Variants in KIAA0825 observed in about 807,000 individuals in gnomAD.
The protein encoded by KIAA0825 is KIAA0825.
KIAA0825 carries 119 observed loss-of-function variants against 147.6 expected under a neutral mutation model. The ratio of observed to expected loss-of-function variants is 0.81; its 90% CI spans 0.69 to 0.94. The LOEUF is 0.94. Among genes scored for constraint, KIAA0825 ranks in the 40% least tolerant of loss-of-function variants. KIAA0825 has a pLI of 0.00. For synonymous variants in KIAA0825, 470 were observed against 518.1 expected (o/e 0.91, Z 1.26); for missense variants, 1,381 against 1,472.7 (o/e 0.94, Z 1.02).
chr5:94,514,839 A>T (rs1218812120), intron 5 of KIAA0825, among the ~76,000 whole-genome samples: 1 of 152,068 alleles, frequency 6.6e-6, no homozygotes, highest in Non-Finnish European at 1.5e-5. Context: ...TGATCTTTTC[A>T]TTCCTTGAGG....
chr5:94,164,132 G>A (rs1212253326), intron 20 of KIAA0825, among the ~76,000 whole-genome samples: 1 of 152,022 alleles, frequency 6.6e-6, no homozygotes, highest in African/African-American at 2.4e-5. Context: ...AAAACATTGA[G>A]CTAATCTAGA....
intron 20 of KIAA0825, among the ~76,000 whole-genome samples, chr5:94,168,807 CA>C (rs1422923751): frequency 6.6e-6 from 1 of 152,046 alleles, no homozygotes; most frequent in Admixed American, 6.5e-5. Flanking sequence ...TTTAATGAAT[CA>C]AAAGAAAAGG....
chr5:94,262,289 G>T (rs1479717999), intron 20 of KIAA0825, among the ~76,000 whole-genome samples: 1 of 151,894 alleles, frequency 6.6e-6, no homozygotes, highest in African/African-American at 2.4e-5. Flanking sequence ...TGAAAATGTG[G>T]GGAAAAGAAG....
chr5:94,420,254 G>C (rs1207634481), intron 14 of KIAA0825, among the ~76,000 whole-genome samples: 1 of 152,114 alleles, frequency 6.6e-6, no homozygotes, highest in African/African-American at 2.4e-5. Context: ...GCACATGCCA[G>C]GGTGGATATG....
chr5:94,564,958 TTTTC>T (rs1308449879), intron 2 of KIAA0825, among the ~76,000 whole-genome samples: 1 of 148,214 alleles, frequency 6.7e-6, no homozygotes, highest in African/African-American at 2.5e-5. Context: ...TTTTCTTTTC[TTTTC>T]TTTTCTTTTT....
chr5:94,388,573 T>C (rs773480741), intron 18 of KIAA0825, among the ~76,000 whole-genome samples: 2 of 152,244 alleles, frequency 1.3e-5, no homozygotes, highest in Non-Finnish European at 2.9e-5. Flanking sequence ...AAAAAAGCTT[T>C]GTTTTGGCTA....
At chr5:94,616,531 C>T (rs1468758533) in intron 1 of KIAA0825, among the ~76,000 whole-genome samples, 2 of 150,808 alleles carry the variant, frequency 1.3e-5, no homozygotes, top group Non-Finnish European at 3.0e-5. Flanking sequence ...TTTCTCCCTA[C>T]ACACACACAC....
intron 20 of KIAA0825, among the ~76,000 whole-genome samples, chr5:94,160,548 T>C (rs1767464121): frequency 6.7e-6 from 1 of 148,568 alleles, no homozygotes; most frequent in African/African-American, 2.4e-5. Context: ...TACATATATG[T>C]ATGTTAAGTA....
At chr5:94,602,985 C>T (rs549072516) in intron 1 of KIAA0825, among the ~76,000 whole-genome samples, 2 of 151,990 alleles carry the variant, frequency 1.3e-5, no homozygotes, top group Non-Finnish European at 2.9e-5. Context: ...CCTGCCATTG[C>T]GTCAGGCTAA....
At chr5:94,311,653 GTATAA>G (rs1779192383) in intron 20 of KIAA0825, among the ~76,000 whole-genome samples, 1 of 151,452 alleles carries the variant, frequency 6.6e-6, no homozygotes, top group Non-Finnish European at 1.5e-5. Flanking sequence ...TTGCCACATT[GTATAA>G]TATAATTTCT....
chr5:94,249,799 G>GTT (rs3080905), intron 20 of KIAA0825, among the ~76,000 whole-genome samples: 17,059 of 132,486 alleles, frequency 0.13, 1,195 homozygotes, highest in East Asian at 0.23. Flanking sequence ...TGCTCTGCTG[G>GTT]TTTTTTTTTT....
chr5:94,497,385 A>G (rs1478694288), intron 5 of KIAA0825, among the ~76,000 whole-genome samples: 1 of 152,226 alleles, frequency 6.6e-6, no homozygotes, highest in Non-Finnish European at 1.5e-5. Flanking sequence ...ATCAATGTTA[A>G]TGACAGAAAA....
rs1372289982 is a variant in KIAA0825, at chr5:94,439,970, A to G, written c.2497+12T>C. The G allele has an allele frequency of 1.9e-6, 3 of 1,549,972 alleles. No homozygotes were observed. The highest frequency in any genetic ancestry group is 1.4e-5 in the African/African-American group (1 of 73,044). On this transcript the variant is annotated intron_variant, in intron 14 of 20. Transcript: ENST00000682413. ...GTTTTTCGAGGACATTCTTATAACTACACATACTCACTTGAGCTCTTCAGC... is the reference window on the plus strand; with the variant it reads ...GTTTTTCGAGGACATTCTTATAACTGCACATACTCACTTGAGCTCTTCAGC...
intron 20 of KIAA0825, among the ~76,000 whole-genome samples, chr5:94,229,175 G>A (rs922103064): frequency 6.6e-6 from 1 of 152,176 alleles, no homozygotes; most frequent in Admixed American, 6.5e-5. Context: ...TTTTGCCAAT[G>A]CAATATTCTA....
At chr5:94,558,464 A>C (rs1041820029) in intron 2 of KIAA0825, among the ~76,000 whole-genome samples, 5 of 152,132 alleles carry the variant, frequency 3.3e-5, no homozygotes, top group Non-Finnish European at 7.4e-5. Context: ...ATTACACACA[A>C]AGTTTTCATT....
intron 2 of KIAA0825, among the ~76,000 whole-genome samples, chr5:94,549,567 G>T (rs752556701): frequency 9.2e-5 from 14 of 152,042 alleles, no homozygotes; most frequent in Non-Finnish European, 2.1e-4. Context: ...ACAAAAATTA[G>T]CCGGATGTGG....
intron 1 of KIAA0825, among the ~76,000 whole-genome samples, chr5:94,602,180 T>G (rs752866455): frequency 5.9e-5 from 9 of 152,128 alleles, no homozygotes; most frequent in Non-Finnish European, 1.2e-4. Flanking sequence ...AAACCTCATC[T>G]CTATTAAAAA....
intron 20 of KIAA0825, among the ~76,000 whole-genome samples, chr5:94,265,214 C>T (rs181244638): frequency 2.4e-4 from 36 of 152,248 alleles, no homozygotes; most frequent in African/African-American, 8.4e-4. Context: ...TATGTCATAA[C>T]GTTTTGCTTT....
intron 20 of KIAA0825, among the ~76,000 whole-genome samples, chr5:94,320,824 G>A (rs1321776272): frequency 6.6e-6 from 1 of 151,914 alleles, no homozygotes; most frequent in Non-Finnish European, 1.5e-5. Context: ...AAAATGTTAT[G>A]TTACATGGAC....
Sources: gnomAD v4.1 joint callset for allele counts (sites outside exome capture counted in the v4.1 genomes callset) on GRCh38, gnomAD v4.1.1 for gene constraint, MANE v1.5 for transcripts, NCBI Gene and HGNC (gene_info 2026-07-23, HGNC 2026-07-21) for gene names.